The following AKAP12 variants were observed in gnomAD, a reference collection of about 807,000 sequenced individuals.
The protein encoded by AKAP12 is A-kinase anchor protein 12.
Under a neutral mutation model 79.9 loss-of-function variants are expected in AKAP12, and 32 were observed. The observed-to-expected ratio is 0.40, with a 90% CI of 0.30 to 0.54. AKAP12 has a LOEUF of 0.54. Among genes scored for constraint, AKAP12 ranks in the 20% least tolerant of loss-of-function variants. The pLI, the probability that AKAP12 is intolerant of heterozygous loss-of-function variation, is 0.48. For synonymous variants in AKAP12, 808 were observed against 857.0 expected (o/e 0.94, Z 1.00); for missense variants, 2,074 against 2,177.0 (o/e 0.95, Z 0.94).
At chr6:151,321,112 G>C (rs1173447238) in intron 3 of AKAP12, among the ~76,000 whole-genome samples, 2 of 151,734 alleles carry the variant, frequency 1.3e-5, no homozygotes, top group Non-Finnish European at 2.9e-5. Flanking sequence ...TCAGCCTCCC[G>C]AGTAGCTGGG....
intron 2 of AKAP12, among the ~76,000 whole-genome samples, chr6:151,263,098 C>G (rs1355347890): frequency 1.3e-5 from 2 of 151,582 alleles, no homozygotes; most frequent in Non-Finnish European, 2.9e-5. Context: ...TGCAGTAGTG[C>G]AATCCTAGCT....
chr6:151,274,586 A>G (rs575460389), intron 2 of AKAP12, among the ~76,000 whole-genome samples: 1 of 152,364 alleles, frequency 6.6e-6, no homozygotes, highest in East Asian at 1.9e-4. Flanking sequence ...ATCTTTAAGC[A>G]TTGTAAGTAT....
At chr6:151,319,544 A>ATC in intron 3 of AKAP12, 1 of 98,706 alleles carries the variant, frequency 1.0e-5, no homozygotes, top group East Asian at 3.7e-4. Context: ...ATATATAGAT[A>ATC]TAGATATATA....
Position 151,316,700 on chromosome 6 carries a change from G to A in AKAP12, c.319+10797G>A, listed in dbSNP as rs529199981. On this transcript the variant is annotated intron_variant, in intron 3 of 4. Transcript: ENST00000402676. The stretch of plus-strand genomic sequence containing the variant: ...GGCTGGAGTGCAGTGGCGCGATCTC[G>A]GCTCGCTGCAACCTCCACCTCTGGG... 6.6e-5 allele frequency among the ~76,000 whole-genome samples: 10 copies of A among 152,218 alleles called. No individual in the cohort carries two copies. The East Asian group carries it at 1.2e-3, about 18-fold the overall frequency.
intron 3 of AKAP12, among the ~76,000 whole-genome samples, chr6:151,314,333 C>G (rs949352883): frequency 6.6e-6 from 1 of 152,092 alleles, no homozygotes; most frequent in African/African-American, 2.4e-5. Flanking sequence ...GGCCTCTAAT[C>G]TGATCTTAAA....
At position 151,352,169 on chromosome 6, in the gene AKAP12, A is replaced by G. The variant is rs1467202200; in HGVS notation, c.3778A>G (p.Lys1260Glu). 13 of 1,614,188 alleles carry G rather than the reference A, an allele frequency of 8.1e-6. No individual in the cohort carries two copies. In the East Asian group the frequency reaches 1.1e-4, roughly 14 times the overall value. Residue 1260 changes from lysine (K) to glutamate (E), a missense_variant, in exon 4 of 5, where the codon AAG becomes GAG. This residue lies in a region of AKAP12 where 614 missense variants were observed against 665.6 expected (regional missense o/e 0.92). Transcript: ENST00000402676. ...AGTGGAAACTGTATCCATTCTGTCA[A>G]AGACTGAGGGGACTCAAGAGGCTGA... Reference protein sequence around the residue: ...VSVETVSILSKTEGTQEADQY... With the variant: ...VSVETVSILSETEGTQEADQY...
In AKAP12 at chr6:151,284,574, G is replaced by GC. The variant is rs557987087; in HGVS notation, c.163-21171dup. On this transcript the variant is annotated intron_variant, in intron 2 of 4. Transcript: ENST00000402676. ...GCCTGAGAGGTCAGAGCTGCAGTGA[G>GC]CCATAACTGAGCTACTGCACTCCAG... 1.6e-3 allele frequency among the ~76,000 whole-genome samples: 246 copies of GC among 152,284 alleles called. 1 individual carries two copies. The highest frequency in any genetic ancestry group is 5.6e-3 in the African/African-American group (234 of 41,558).
intron 3 of AKAP12, among the ~76,000 whole-genome samples, chr6:151,316,743 G>C: frequency 6.6e-6 from 1 of 152,178 alleles, no homozygotes; most frequent in East Asian, 1.9e-4. Context: ...CAATTCTCCT[G>C]CCTCAGCCTC....
chr6:151,241,718 C>G (rs991428802), intron 2 of AKAP12, among the ~76,000 whole-genome samples: 2 of 150,482 alleles, frequency 1.3e-5, no homozygotes, highest in African/African-American at 2.4e-5. Flanking sequence ...CTTGTGATAC[C>G]TTGTAGAAAG....
intron 2 of AKAP12, among the ~76,000 whole-genome samples, chr6:151,245,719 G>T (rs1176924016): frequency 6.7e-6 from 1 of 149,036 alleles, no homozygotes; most frequent in African/African-American, 2.5e-5. Context: ...TTTATTTAAA[G>T]TCATTGCATA....
chr6:151,306,747 C>CA (rs1390812902), intron 3 of AKAP12, among the ~76,000 whole-genome samples: 1 of 152,200 alleles, frequency 6.6e-6, no homozygotes, highest in African/African-American at 2.4e-5. Flanking sequence ...CTGCTTCAAG[C>CA]AGGGAGCTGC....
intron 2 of AKAP12, among the ~76,000 whole-genome samples, chr6:151,291,341 T>C (rs572642222): frequency 6.6e-6 from 1 of 152,236 alleles, no homozygotes; most frequent in South Asian, 2.1e-4. Context: ...AGCTGATGAG[T>C]GGCTTAGCTG....
rs201684944 is a variant in AKAP12 at position 151,350,807 on chromosome 6, T to C, written c.2416T>C (p.Ser806Pro). ...ACCCGGTAAAGAAGAATCCTGGGTC[T>C]CAATCAAGAAGTTTATTCCTGGACG... is the stretch of plus-strand genomic sequence containing the variant. ...TEPGKEESWV[S>P]IKKFIPGRRK... Residue 806 changes from serine to proline, a missense_variant, in exon 4 of 5, where the codon TCA (serine) becomes CCA (proline). Physicochemically the swap from Ser to Pro is moderately conservative, Grantham distance 74 (BLOSUM62 -1). Coordinates refer to ENST00000402676, the MANE Select transcript of AKAP12 (RefSeq NM_005100.4). The surrounding 1 kb of genome is among the most constrained non-coding windows in gnomAD (Gnocchi z 4.8). The C allele has an allele frequency of 1.2e-6, 2 of 1,613,930 alleles. No individual in the cohort carries two copies. Among genetic ancestry groups the C allele is most frequent in the Non-Finnish European group, 8.5e-7 (1 of 1,179,964 alleles).
intron 2 of AKAP12, among the ~76,000 whole-genome samples, chr6:151,272,432 A>G (rs1405685536): frequency 3.3e-5 from 5 of 151,452 alleles, no homozygotes; most frequent in Admixed American, 2.0e-4. Context: ...TTCTTAAACT[A>G]GAATACTCCC....
chr6:151,266,992 C>T (rs970379138), intron 2 of AKAP12, among the ~76,000 whole-genome samples: 2 of 114,498 alleles, frequency 1.7e-5, no homozygotes, highest in Non-Finnish European at 3.3e-5. Flanking sequence ...ACCAGCCTGG[C>T]GGACAGAGCG....
At chr6:151,286,487 G>T (rs780246430) in intron 2 of AKAP12, among the ~76,000 whole-genome samples, 1 of 152,102 alleles carries the variant, frequency 6.6e-6, no homozygotes, top group Non-Finnish European at 1.5e-5. Context: ...ATGGGGCGTC[G>T]GCTTGCATTC....
chr6:151,261,286 C>A (rs555465915), intron 2 of AKAP12, among the ~76,000 whole-genome samples: 1 of 151,610 alleles, frequency 6.6e-6, no homozygotes, highest in Non-Finnish European at 1.5e-5. Flanking sequence ...GCAGGAGAAT[C>A]GTTTGAACCG....
chr6:151,305,171 T>C (rs1447793192), intron 2 of AKAP12, among the ~76,000 whole-genome samples: 1 of 105,578 alleles, frequency 9.5e-6, no homozygotes, highest in African/African-American at 9.0e-5. Flanking sequence ...TCAGGGCTGT[T>C]TTTTTTTTTT....
rs781084190 is a variant in AKAP12 at position 151,350,683 on chromosome 6, G to A, written c.2292G>A (p.Arg764=). 6 of 1,613,740 alleles carry A rather than the reference G, an allele frequency of 3.7e-6. No individual in the cohort carries two copies. The highest frequency in any genetic ancestry group is 2.2e-5 in the East Asian group (1 of 44,884). ...EGVSTWESFK[R]LVTPRKKSKS... ...TTTCCACCTGGGAGTCATTTAAAAG[G>A]TTAGTCACGCCAAGAAAAAAATCAA... Residue 764 remains arginine, a synonymous_variant, in exon 4 of 5, where the codon AGG becomes AGA. Transcript: ENST00000402676. The surrounding 1 kb of genome is among the most constrained non-coding windows in gnomAD (Gnocchi z 4.8).
Sources: gnomAD v4.1 joint callset for allele counts (sites outside exome capture counted in the v4.1 genomes callset) on GRCh38, gnomAD v4.1.1 for gene constraint, gnomAD v4.1.1 regional missense constraint, Gnocchi (gnomAD v3.1) non-coding constraint, MANE v1.5 for transcripts, NCBI Gene and HGNC (gene_info 2026-07-23, HGNC 2026-07-21) for gene names.